Variants in RCBTB2 observed in about 807,000 individuals in gnomAD.
RCBTB2 encodes the protein RCC1 and BTB domain-containing protein 2.
RCBTB2 carries 55 observed loss-of-function variants against 65.4 expected under a neutral mutation model. The ratio of observed to expected loss-of-function variants is 0.84; its 90% confidence interval spans 0.68 to 1.05. The LOEUF is 1.05. RCBTB2 is among the 50% of genes least tolerant of loss of function. RCBTB2 has a pLI of 0.00. For missense variants in RCBTB2, 599 were observed against 680.1 expected, an observed-to-expected ratio of 0.88 and a Z score of 1.33; for synonymous variants, 220 against 255.2, an observed-to-expected ratio of 0.86 and a Z score of 1.31.
intron 1 of RCBTB2, among the ~76,000 whole-genome samples, chr13:48,527,336 T>TCATA (rs1566336767): frequency 1.6e-5 from 2 of 124,818 alleles, no homozygotes; most frequent in African/African-American, 9.8e-5. Context: ...TATATATATA[T>TCATA]GATATATATA....
At chr13:48,492,256 A>G (rs1025043856) in intron 14 of RCBTB2, among the ~76,000 whole-genome samples, 6 of 152,162 alleles carry the variant, frequency 3.9e-5, no homozygotes, top group Non-Finnish European at 5.9e-5. Context: ...TCTGGATCAA[A>G]GGTCCAAGAC....
At chr13:48,504,404 C>T in intron 10 of RCBTB2, 1 of 861,400 alleles carries the variant, frequency 1.2e-6, no homozygotes, top group Non-Finnish European at 1.4e-6. Context: ...TTTCAACAAA[C>T]AGGCTTTCTC....
chr13:48,508,867 C>A (rs1007906617), intron 10 of RCBTB2, among the ~76,000 whole-genome samples: 5 of 152,216 alleles, frequency 3.3e-5, no homozygotes, highest in Non-Finnish European at 7.3e-5. Context: ...CTTGACGCCC[C>A]ACAATCCATC....
intron 4 of RCBTB2, among the ~76,000 whole-genome samples, chr13:48,517,118 GCTCTT>G (rs1454290751): frequency 1.3e-5 from 2 of 152,082 alleles, no homozygotes; most frequent in South Asian, 2.1e-4. Flanking sequence ...CAGCAACTCT[GCTCTT>G]CTCAAGTCCA....
intron 12 of RCBTB2, among the ~76,000 whole-genome samples, chr13:48,501,018 G>T (rs2138451613): frequency 6.6e-6 from 1 of 152,312 alleles, no homozygotes; most frequent in Admixed American, 6.5e-5. Context: ...AAAGAAAGAA[G>T]CCAAGCACAA....
chr13:48,524,262 TATATACTTA>T (rs1282457609), intron 2 of RCBTB2, among the ~76,000 whole-genome samples: 3 of 152,216 alleles, frequency 2.0e-5, no homozygotes, highest in Non-Finnish European at 4.4e-5. Flanking sequence ...TATGTTGATA[TATATACTTA>T]AAATAACAAT....
chr13:48,510,583 C>T (rs1379895921), intron 10 of RCBTB2, 46 bp downstream of exon 10: 3 of 1,594,540 alleles, frequency 1.9e-6, no homozygotes, highest in Non-Finnish European at 2.6e-6. Context: ...TGTTTAATCA[C>T]AATCACCAAA....
At chr13:48,508,277 C>A (rs1202270808) in intron 10 of RCBTB2, among the ~76,000 whole-genome samples, 1 of 152,228 alleles carries the variant, frequency 6.6e-6, no homozygotes, top group African/African-American at 2.4e-5. Context: ...CCAGCACAGA[C>A]CTATAAACCC....
At chr13:48,498,794 T>C (rs549050534) in intron 13 of RCBTB2, among the ~76,000 whole-genome samples, 1 of 152,134 alleles carries the variant, frequency 6.6e-6, no homozygotes, top group Non-Finnish European at 1.5e-5. Context: ...ACTTTCAAAG[T>C]CCAGAGCAAG....
chr13:48,492,828 T>C (rs145290900), intron 14 of RCBTB2, among the ~76,000 whole-genome samples: 309 of 152,330 alleles, frequency 2.0e-3, no homozygotes, highest in Non-Finnish European at 3.9e-3. Context: ...TTCAAACCTG[T>C]CTCACGTCAC....
At chr13:48,492,340 A>G (rs1949730821) in intron 14 of RCBTB2, 1 of 152,296 alleles carries the variant, frequency 6.6e-6, no homozygotes, top group South Asian at 2.1e-4. Context: ...TGCTCTACCA[A>G]CTGTCCCCTG....
chr13:48,508,073 C>T lies in RCBTB2; in HGVS notation c.926+2556G>A, dbSNP rs901104355. Among the ~76,000 whole-genome samples the T allele has an allele frequency of 3.3e-5, 5 of 152,296 alleles. No individual in the cohort carries two copies. In the South Asian group the frequency reaches 1.0e-3, roughly 32 times the overall value. ...ACAATGTAGACAGATTTCTCCTTCCCACTTCTGTGAACAGGTAACTAAGAA... is the reference window on the plus strand; with the variant it reads ...ACAATGTAGACAGATTTCTCCTTCCTACTTCTGTGAACAGGTAACTAAGAA... On this transcript the variant is annotated intron_variant, in intron 10 of 14. Coordinates refer to ENST00000344532, the MANE Select transcript of RCBTB2 (RefSeq NM_001268.4).
chr13:48,490,325 A>T, intron 14 of RCBTB2, 74 bp from the exon 15 acceptor site: 2 of 1,360,016 alleles, frequency 1.5e-6, no homozygotes, highest in Non-Finnish European at 1.0e-6. Context: ...GAAAATCGCT[A>T]AAACAAGTTA....
chr13:48,498,944 A>G (rs1461893679), intron 13 of RCBTB2, among the ~76,000 whole-genome samples: 2 of 151,944 alleles, frequency 1.3e-5, no homozygotes, highest in Non-Finnish European at 2.9e-5. Context: ...CCTCTTTAAA[A>G]TATATCTAGA....
At chr13:48,533,975 G>A (rs572742308), upstream of RCBTB2, among the ~76,000 whole-genome samples, 26 of 152,300 alleles carry the variant, frequency 1.7e-4, no homozygotes, top group Non-Finnish European at 3.7e-4. Context: ...CCAAACCACA[G>A]TGACCGTGTC....
At chr13:48,530,071 C>CA (rs1952023382) in intron 1 of RCBTB2, among the ~76,000 whole-genome samples, 1 of 150,630 alleles carries the variant, frequency 6.6e-6, no homozygotes, top group Non-Finnish European at 1.5e-5. Context: ...TTTTTTTGTT[C>CA]GTTTTTCTGT....
chr13:48,515,362 G>GA lies in RCBTB2; in HGVS notation c.199-8dup, dbSNP rs776027548. The GA allele has an allele frequency of 3.7e-6, 6 of 1,610,486 alleles. No individual in the cohort carries two copies. In the East Asian group the frequency reaches 1.3e-4, roughly 36 times the overall value. The stretch of plus-strand genomic sequence containing the variant: ...TTGTGCCAAGCACAAAAATCTATGG[G>GA]AAAAACCACTGTTAGTTCAAGCAGT... On this transcript the variant is annotated splice_polypyrimidine_tract_variant and splice_region_variant and intron_variant, in intron 5 of 14. Coordinates refer to ENST00000344532, the MANE Select transcript of RCBTB2 (RefSeq NM_001268.4).
chr13:48,519,032 T>C (rs1951266197), intron 4 of RCBTB2, among the ~76,000 whole-genome samples: 1 of 152,186 alleles, frequency 6.6e-6, no homozygotes, highest in South Asian at 2.1e-4. Context: ...TTGTAGGACA[T>C]AGATATTATT....
At chr13:48,493,914 T>C (rs1949860084) in intron 14 of RCBTB2, among the ~76,000 whole-genome samples, 1 of 152,166 alleles carries the variant, frequency 6.6e-6, no homozygotes, top group Non-Finnish European at 1.5e-5. Context: ...CGTAGGGCAG[T>C]GCCAGGCATG....
Sources: allele counts gnomAD v4.1 joint callset (sites outside exome capture counted in the v4.1 genomes callset), GRCh38; gene constraint gnomAD v4.1.1; transcripts MANE v1.5; gene names NCBI Gene and HGNC (gene_info 2026-07-23, HGNC 2026-07-21).